CACNA1E: variants seen among roughly 807,000 people sequenced by gnomAD.
CACNA1E encodes voltage-dependent R-type calcium channel subunit alpha-1E.
Under a neutral mutation model 259.2 loss-of-function variants are expected in CACNA1E, and 40 were observed. The ratio of observed to expected loss-of-function variants is 0.15; its 90% CI spans 0.12 to 0.20. The LOEUF (loss-of-function observed/expected upper bound fraction) is 0.20, where lower values mean the gene tolerates loss of function less well. Ranked by LOEUF, CACNA1E falls within the 10% of genes least tolerant of loss-of-function variation. CACNA1E has a pLI of 1.00. For missense variants in CACNA1E, 1,874 were observed against 3,040.1 expected, an observed-to-expected ratio of 0.62 and a Z score of 9.02; for synonymous variants, 1,104 against 1,138.5, an observed-to-expected ratio of 0.97 and a Z score of 0.61.
rs1467104621 is a variant in CACNA1E at position 181,776,330 on chromosome 1, A to G, written c.5267+102A>G. ...GGAGCCACCCAAATGCCTGCCTGTT[A>G]CAGAAGGAAAGGAGATTCCTCTTGA... On this transcript the variant is annotated intron_variant, in intron 38 of 47. Transcript: ENST00000367573. The surrounding 1 kb of genome is among the most constrained non-coding windows in gnomAD (Gnocchi z 4.4). 8.3e-7 allele frequency: 1 copy of G among 1,211,588 alleles called. No individual in the cohort carries two copies. Among genetic ancestry groups the G allele is most frequent in the East Asian group, 2.3e-5 (1 of 42,634 alleles). 75.1% of individuals were successfully genotyped at this position (1,211,588 alleles called of 1,614,324 possible).
At chr1:181,612,764 C>T (rs1235116167) in intron 6 of CACNA1E, among the ~76,000 whole-genome samples, 1 of 152,210 alleles carries the variant, frequency 6.6e-6, no homozygotes, top group Non-Finnish European at 1.5e-5. Context: ...ACACAAGATA[C>T]CCCCTCCTTC....
At chr1:181,482,253 T>C (rs541886), upstream of CACNA1E, among the ~76,000 whole-genome samples, 37,336 of 152,198 alleles carry the variant, frequency 0.25, 5,980 homozygotes, top group African/African-American at 0.45. Flanking sequence ...CCCGACACCT[T>C]ACTAGGGCGG....
At chr1:181,339,185 A>G (rs1463449114) in intron 1 of CACNA1E, among the ~76,000 whole-genome samples, 3 of 151,960 alleles carry the variant, frequency 2.0e-5, no homozygotes, top group Non-Finnish European at 4.4e-5. Flanking sequence ...TTGTTTTTTT[A>G]TTTGTGTGAA....
At chr1:181,730,241 C>T (rs1448577611) in intron 18 of CACNA1E, among the ~76,000 whole-genome samples, 1 of 152,228 alleles carries the variant, frequency 6.6e-6, no homozygotes, top group Non-Finnish European at 1.5e-5. Context: ...AGGAAAGGAT[C>T]AGCATTTGCC....
chr1:181,331,938 A>G (rs1651303731), intron 1 of CACNA1E, among the ~76,000 whole-genome samples: 2 of 152,288 alleles, frequency 1.3e-5, no homozygotes, highest in Admixed American at 1.3e-4. Flanking sequence ...CCATTGGTCT[A>G]TGTGTCTGTT....
At position 181,594,255 on chromosome 1, in the gene CACNA1E, A is replaced by G. The variant is rs527434408; in HGVS notation, c.951+13479A>G. On this transcript the variant is annotated intron_variant, in intron 6 of 47. Transcript: ENST00000367573. ...CAGGTTGAGTTTTCTTTTCCATTCTAGTGATACTGAGATTTTTATATTAAT... is the reference window on the plus strand; with the variant it reads ...CAGGTTGAGTTTTCTTTTCCATTCTGGTGATACTGAGATTTTTATATTAAT... Among the ~76,000 whole-genome samples, 7 of 152,190 alleles carry G rather than the reference A, an allele frequency of 4.6e-5. No homozygotes were observed. The South Asian group carries it at 1.4e-3, about 32-fold the overall frequency.
intron 7 of CACNA1E, among the ~76,000 whole-genome samples, chr1:181,665,018 G>A (rs904388889): frequency 1.3e-5 from 2 of 152,098 alleles, no homozygotes; most frequent in African/African-American, 4.8e-5. Context: ...TCCATTCTCT[G>A]TTCAAGTTTT....
At chr1:181,736,500 G>A (rs1656046061) in intron 22 of CACNA1E, 66 bp downstream of exon 22, 2 of 1,431,310 alleles carry the variant, frequency 1.4e-6, no homozygotes, top group East Asian at 2.4e-5. Flanking sequence ...AGGCAGGGCA[G>A]GGTGAAGGGG....
intron 1 of CACNA1E, among the ~76,000 whole-genome samples, chr1:181,495,003 A>G (rs1347536089): frequency 6.6e-6 from 1 of 152,214 alleles, no homozygotes; most frequent in African/African-American, 2.4e-5. Context: ...TTCTTGTCAC[A>G]TGCTTTACTG....
intron 39 of CACNA1E, among the ~76,000 whole-genome samples, chr1:181,781,867 G>A (rs1572882859): frequency 6.6e-6 from 1 of 152,216 alleles, no homozygotes; most frequent in East Asian, 1.9e-4. Context: ...TGGCATATAT[G>A]GGCAAGAAGG....
chr1:181,458,319 T>C (rs11588145), intron 2 of CACNA1E, among the ~76,000 whole-genome samples: 84,713 of 152,046 alleles, frequency 0.56, 25,088 homozygotes, highest in African/African-American at 0.77. Flanking sequence ...TCCCCATTCC[T>C]ACCCCTCTGC....
At chr1:181,449,107 C>T (rs1330778235) in intron 2 of CACNA1E, among the ~76,000 whole-genome samples, 1 of 152,158 alleles carries the variant, frequency 6.6e-6, no homozygotes, top group African/African-American at 2.4e-5. Flanking sequence ...TGGAGGCCTC[C>T]CATTCTGTGA....
intron 25 of CACNA1E, among the ~76,000 whole-genome samples, chr1:181,749,482 T>C (rs1657398906): frequency 6.6e-6 from 1 of 152,174 alleles, no homozygotes. Flanking sequence ...AGAGCCTTAG[T>C]GGTTAAGAGC....
At chr1:181,635,387 T>C (rs1439622843) in intron 6 of CACNA1E, among the ~76,000 whole-genome samples, 1 of 152,158 alleles carries the variant, frequency 6.6e-6, no homozygotes, top group Non-Finnish European at 1.5e-5. Context: ...CACCCACTCC[T>C]CTTCTCCTCC....
At chr1:181,318,906 C>T (rs546678925) in intron 1 of CACNA1E, among the ~76,000 whole-genome samples, 23 of 152,256 alleles carry the variant, frequency 1.5e-4, no homozygotes, top group African/African-American at 5.5e-4. Context: ...GCTTGAGTCT[C>T]CTTGTGCGAG....
intron 6 of CACNA1E, among the ~76,000 whole-genome samples, chr1:181,640,392 G>A (rs1213953713): frequency 3.3e-5 from 5 of 152,168 alleles, no homozygotes; most frequent in African/African-American, 1.2e-4. Context: ...GAGATACAAA[G>A]ACTTACAAGC....
rs758968657 is a variant in CACNA1E at position 181,794,876 on chromosome 1, C to G, written c.6040C>G (p.Pro2014Ala). 1.2e-6 allele frequency: 2 copies of G among 1,612,786 alleles called. No individual in the cohort carries two copies. Among genetic ancestry groups the G allele is most frequent in the East Asian group, 4.5e-5 (2 of 44,858 alleles). The change falls in exon 46 of 48, where the codon CCT becomes GCT. Residue 2014 changes from proline to alanine, a missense_variant. Physicochemically the swap from Pro to Ala is conservative, Grantham distance 27. Around this residue, in one of 14 missense-constraint regions of CACNA1E, gnomAD observed 542 missense variants for 587.2 expected, o/e 0.92. Coordinates refer to ENST00000367573, the MANE Select transcript of CACNA1E (RefSeq NM_001205293.3). ...CTTGTATTTCCAGGTGGTGACAGAC[C>G]CTAGCTCCATGAGACGTTCATTTTC... ...LTVDPQVVTD[P>A]SSMRRSFSTI...
At position 181,732,896 on chromosome 1, in the gene CACNA1E, C is replaced by T. The variant is rs1304893896; in HGVS notation, c.2810C>T (p.Ser937Phe). 4.3e-6 allele frequency: 7 copies of T among 1,613,862 alleles called. No homozygotes were observed. The highest frequency in any genetic ancestry group is 1.3e-5 in the African/African-American group (1 of 74,936). ...RTEGKESSSA[S>F]RSRSASQERS... ...GAAGGCAAGGAGTCCTCTTCAGCCT[C>T]CCGGAGCAGGTCTGCCAGCCAGGAA... is the stretch of plus-strand genomic sequence containing the variant. Residue 937 changes from serine to phenylalanine, a missense_variant, in exon 20 of 48, where the codon TCC (serine) becomes TTC (phenylalanine). Ser to Phe is a radical substitution (Grantham distance 155). This residue lies in a region of CACNA1E where 476 missense variants were observed against 514.0 expected (regional missense o/e 0.93). Transcript: ENST00000367573. The surrounding 1 kb of genome is among the most constrained non-coding windows in gnomAD (Gnocchi z 5.5).
intron 6 of CACNA1E, among the ~76,000 whole-genome samples, chr1:181,633,664 G>A (rs1437260705): frequency 1.3e-5 from 2 of 151,836 alleles, no homozygotes; most frequent in African/African-American, 4.9e-5. Context: ...GCTCAGTTTT[G>A]TATTTTTGGT....
Sources: allele counts gnomAD v4.1 joint callset (sites outside exome capture counted in the v4.1 genomes callset), GRCh38; gene constraint gnomAD v4.1.1; regional missense constraint gnomAD v4.1.1; non-coding constraint Gnocchi (gnomAD v3.1); transcripts MANE v1.5; gene names NCBI Gene and HGNC (gene_info 2026-07-23, HGNC 2026-07-21).